The following ARHGAP29 variants were observed in gnomAD, a reference collection of about 807,000 sequenced individuals.
ARHGAP29 encodes the protein Rho GTPase activating protein 29.
ARHGAP29 carries 43 observed loss-of-function variants against 122.6 expected under a neutral mutation model. That is an observed-to-expected ratio of 0.35 (90% CI 0.27 to 0.45). The LOEUF is 0.45. ARHGAP29 is among the 20% of genes least tolerant of loss of function. The probability of loss-of-function intolerance (pLI) is 1.00; values close to 1 mark genes in which losing one functional copy is unlikely to be tolerated. For missense variants in ARHGAP29, 1,303 were observed against 1,477.2 expected, an observed-to-expected ratio of 0.88 and a Z score of 1.93; for synonymous variants, 506 against 497.1, an observed-to-expected ratio of 1.02 and a Z score of -0.24.
chr1:94,231,470 A>G lies in ARHGAP29; in HGVS notation c.142T>C (p.Leu48=), dbSNP rs1652914817. 1 of 1,613,710 alleles carries G rather than the reference A, an allele frequency of 6.2e-7. No homozygotes were observed. The highest frequency in any genetic ancestry group is 1.7e-4 in the Middle Eastern group (1 of 6,060). The change falls in exon 2 of 23, where the codon TTG becomes CTG. Residue 48 remains leucine (L), a synonymous_variant. Coordinates refer to ENST00000260526, the MANE Select transcript of ARHGAP29 (RefSeq NM_004815.4). ...SIFDPDYIKE[L]VNDIRKFSHM... is the part of the protein sequence containing the mutation. ...GAGAACTTCCTGATATCATTCACCA[A>G]CTCCTTGATGTAATCCGGATCAAAA...
the ARHGAP29 span, among the ~76,000 whole-genome samples, chr1:94,300,868 A>G: frequency 2.0e-5 from 3 of 152,220 alleles, no homozygotes; most frequent in Non-Finnish European, 2.9e-5. Context: ...TTATATTTGG[A>G]AGGAGAATTC....
rs372874356 is a variant in ARHGAP29, at chr1:94,178,155, A to G, written c.2493T>C (p.His831=). The G allele has an allele frequency of 1.1e-5, 17 of 1,613,470 alleles. No individual in the cohort carries two copies. The highest frequency in any genetic ancestry group is 1.4e-5 in the Non-Finnish European group (16 of 1,179,732). Residue 831 remains histidine, a synonymous_variant, in exon 21 of 23, where the codon CAT becomes CAC. Coordinates refer to ENST00000260526, the MANE Select transcript of ARHGAP29 (RefSeq NM_004815.4). The part of the protein sequence containing the change: ...LIVHLKRVVD[H]AEENKMNSKN... ...TGGAGTTCATCTTGTTTTCTTCTGC[A>G]TGATCTACTACCCTGCAAAGTAGAA...
chr1:94,223,484 C>G (rs941891912), intron 2 of ARHGAP29, among the ~76,000 whole-genome samples: 2 of 152,012 alleles, frequency 1.3e-5, no homozygotes, highest in Non-Finnish European at 2.9e-5. Flanking sequence ...AATTAAAACA[C>G]ATAACGCACT....
chr1:94,213,821 T>G (rs1026902995), intron 3 of ARHGAP29, among the ~76,000 whole-genome samples: 5 of 152,244 alleles, frequency 3.3e-5, no homozygotes, highest in Non-Finnish European at 5.9e-5. Context: ...TAAATGAACT[T>G]AGAACAGAGC....
At chr1:94,239,375 G>T (rs560839258), upstream of ARHGAP29, among the ~76,000 whole-genome samples, 1 of 152,240 alleles carries the variant, frequency 6.6e-6, no homozygotes, top group African/African-American at 2.4e-5. Context: ...AGAGGACTGT[G>T]TTGCTGACTA....
chr1:94,192,118 G>A (rs927953291), intron 12 of ARHGAP29: 3 of 151,808 alleles, frequency 2.0e-5, no homozygotes, highest in African/African-American at 7.3e-5. Context: ...ATCAAAATTT[G>A]GAAAATAAAT....
chr1:94,305,710 A>G, the ARHGAP29 span, among the ~76,000 whole-genome samples: 1 of 152,212 alleles, frequency 6.6e-6, no homozygotes, highest in Non-Finnish European at 1.5e-5. Context: ...GACTGGATTT[A>G]TGATTGAATG....
intron 3 of ARHGAP29, among the ~76,000 whole-genome samples, chr1:94,217,872 A>C (rs55999579): frequency 0.83 from 126,704 of 151,784 alleles, 54,237 homozygotes; most frequent in Non-Finnish European, 0.92. Context: ...AAAAAAAAAA[A>C]ACTGAAACCT....
At chr1:94,263,616 C>T (rs1031197939) in intron 1 of ARHGAP29, among the ~76,000 whole-genome samples, 2 of 152,072 alleles carry the variant, frequency 1.3e-5, no homozygotes, top group African/African-American at 4.8e-5. Flanking sequence ...TATAATAATA[C>T]AAGATTCATT....
At chr1:94,190,244 T>C in intron 12 of ARHGAP29, 161 bp from the exon 13 acceptor site, 1 of 676,856 alleles carries the variant, frequency 1.5e-6, no homozygotes, top group Non-Finnish European at 2.3e-6. Context: ...TTTGCATAAG[T>C]CTAGATTAGG....
At chr1:94,237,741 G>A (rs1653392931), upstream of ARHGAP29, 2 of 985,318 alleles carry the variant, frequency 2.0e-6, no homozygotes, top group Non-Finnish European at 2.4e-6. Context: ...GAACGCGACC[G>A]TCAGTTGCGC....
intron 5 of ARHGAP29, among the ~76,000 whole-genome samples, 156 bp from the exon 6 acceptor site, chr1:94,205,839 G>A (rs907395497): frequency 1.3e-5 from 2 of 152,150 alleles, no homozygotes; most frequent in African/African-American, 4.8e-5. Flanking sequence ...TTAAGTGCCA[G>A]AACACTTCAT....
the ARHGAP29 span, among the ~76,000 whole-genome samples, chr1:94,292,479 T>C: frequency 6.6e-6 from 1 of 152,234 alleles, no homozygotes; most frequent in Admixed American, 6.5e-5. Flanking sequence ...TCATTCTCTG[T>C]CCATTTTTGT....
At chr1:94,304,579 A>T in the ARHGAP29 span, among the ~76,000 whole-genome samples, 1 of 152,250 alleles carries the variant, frequency 6.6e-6, no homozygotes, top group South Asian at 2.1e-4. Flanking sequence ...TACTGCTTAA[A>T]TCAGAGTTAT....
intron 12 of ARHGAP29, chr1:94,191,266 C>T (rs1010069206): frequency 6.6e-6 from 1 of 152,090 alleles, no homozygotes; most frequent in African/African-American, 2.4e-5. Context: ...GACACTCTGG[C>T]TTCTTTGTGG....
At chr1:94,291,646 G>A in the ARHGAP29 span, among the ~76,000 whole-genome samples, 3 of 152,138 alleles carry the variant, frequency 2.0e-5, no homozygotes, top group African/African-American at 7.2e-5. Flanking sequence ...AGGCAGGCCT[G>A]GTGATGACAA....
upstream of ARHGAP29, among the ~76,000 whole-genome samples, chr1:94,239,197 G>C (rs1421028714): frequency 2.6e-5 from 4 of 152,156 alleles, no homozygotes; most frequent in Non-Finnish European, 4.4e-5. Flanking sequence ...AATAAGAGGA[G>C]ACAAAGGAGT....
chr1:94,207,683 T>C (rs191943532), intron 5 of ARHGAP29, among the ~76,000 whole-genome samples: 228 of 152,286 alleles, frequency 1.5e-3, no homozygotes, highest in Non-Finnish European at 2.5e-3. Context: ...CATTTGTCAA[T>C]AGATGGCTTC....
upstream of ARHGAP29, among the ~76,000 whole-genome samples, chr1:94,279,163 A>G (rs1570638503): frequency 6.6e-6 from 1 of 152,320 alleles, no homozygotes; most frequent in Middle Eastern, 3.4e-3. Context: ...CCTTTTGTCC[A>G]TTAACATGGT....
Sources: gnomAD v4.1 joint callset for allele counts (sites outside exome capture counted in the v4.1 genomes callset) on GRCh38, gnomAD v4.1.1 for gene constraint, MANE v1.5 for transcripts, NCBI Gene and HGNC (gene_info 2026-07-23, HGNC 2026-07-21) for gene names.